Variants in ZDHHC21 observed in about 807,000 individuals in gnomAD.
ZDHHC21 encodes the protein palmitoyltransferase ZDHHC21.
In ZDHHC21, 15 loss-of-function variants were observed where a neutral mutation model predicts 34.6. That is an observed-to-expected ratio of 0.43 (90% CI 0.29 to 0.67). The LOEUF (loss-of-function observed/expected upper bound fraction) is 0.67, where lower values mean the gene tolerates loss of function less well. Ranked by LOEUF, ZDHHC21 falls within the 30% of genes least tolerant of loss-of-function variation. ZDHHC21 has a pLI of 0.14. For missense variants in ZDHHC21, 344 were observed against 327.7 expected (o/e 1.05, Z -0.38); for synonymous variants, 142 against 101.8 (o/e 1.40, Z -2.38).
At chr9:14,596,351 C>A in the ZDHHC21 span, among the ~76,000 whole-genome samples, 1 of 152,186 alleles carries the variant, frequency 6.6e-6, no homozygotes, top group East Asian at 1.9e-4. Context: ...CCAAGCAAGC[C>A]GCTAGGTTGT....
chr9:14,683,913 AC>A (rs1411463310), intron 2 of ZDHHC21, among the ~76,000 whole-genome samples: 1 of 152,160 alleles, frequency 6.6e-6, no homozygotes, highest in Non-Finnish European at 1.5e-5. Flanking sequence ...AAATCAATAA[AC>A]GTAATCCAGC....
chr9:14,682,372 A>G (rs948161667), intron 2 of ZDHHC21, among the ~76,000 whole-genome samples: 1 of 152,188 alleles, frequency 6.6e-6, no homozygotes, highest in African/African-American at 2.4e-5. Context: ...GAAAACAAAA[A>G]AAGGCAGGGG....
intron 5 of ZDHHC21, among the ~76,000 whole-genome samples, chr9:14,664,395 CTG>C (rs1833997105): frequency 6.6e-6 from 1 of 151,100 alleles, no homozygotes; most frequent in Admixed American, 6.6e-5. Flanking sequence ...GCACAGCAGT[CTG>C]AGATCAAACT....
chr9:14,658,358 G>C (rs924060953), intron 7 of ZDHHC21, among the ~76,000 whole-genome samples: 1 of 133,354 alleles, frequency 7.5e-6, no homozygotes, highest in East Asian at 2.1e-4. Context: ...TTGTTGTTTT[G>C]TTTCCAATCT....
chr9:14,678,242 T>C (rs1031175906), intron 3 of ZDHHC21, among the ~76,000 whole-genome samples: 2 of 152,018 alleles, frequency 1.3e-5, no homozygotes, highest in Non-Finnish European at 2.9e-5. Flanking sequence ...TTTTATATTC[T>C]TGGAATAAGG....
rs1468280628 is a variant in ZDHHC21, at chr9:14,618,017, T to C, written c.*949A>G. ...ATAAATAAAAGTAAAAAGTATACTC[T>C]TTTCAAAAGCACAATATTCCTCTTT... On this transcript the variant is annotated 3_prime_UTR_variant, in exon 10 of 10. Transcript: ENST00000380916. 1 of 152,484 alleles carries C rather than the reference T, an allele frequency of 6.6e-6. No individual in the cohort carries two copies. The highest frequency in any genetic ancestry group is 1.9e-4 in the East Asian group (1 of 5,184). The allele number at this position is 152,484 out of a possible 1,614,324, so 9.4% of individuals were successfully genotyped here. A position where few individuals can be genotyped will look rare whatever the true frequency, so the allele number is the denominator to read the frequency against.
At chr9:14,653,552 G>A (rs1333843944) in intron 7 of ZDHHC21, among the ~76,000 whole-genome samples, 1 of 151,846 alleles carries the variant, frequency 6.6e-6, no homozygotes, top group Non-Finnish European at 1.5e-5. Context: ...AGCCTCAAGG[G>A]TTTTGTTGTT....
At chr9:14,682,296 A>AC (rs1330590075) in intron 2 of ZDHHC21, among the ~76,000 whole-genome samples, 3 of 152,180 alleles carry the variant, frequency 2.0e-5, no homozygotes, top group Non-Finnish European at 4.4e-5. Flanking sequence ...CAGGAGACCC[A>AC]TCTCACGTGC....
At position 14,693,316 on chromosome 9, in the gene ZDHHC21, C is replaced by T. The variant is rs1018217121; in HGVS notation, c.-312G>A. On this transcript the variant is annotated 5_prime_UTR_variant, in exon 1 of 10. Coordinates refer to ENST00000380916, the MANE Select transcript of ZDHHC21 (RefSeq NM_178566.6). The stretch of plus-strand genomic sequence containing the variant: ...CCTCCTGCCGCGCCACCTCCGCCTC[C>T]TCCGGCGCCGCCGCCCAGGCCGGGC... 2 of 417,280 alleles carry T rather than the reference C, an allele frequency of 4.8e-6. No individual in the cohort carries two copies. The highest frequency in any genetic ancestry group is 4.4e-5 in the African/African-American group (2 of 45,704). 25.8% of individuals were successfully genotyped at this position (417,280 alleles called of 1,614,324 possible).
chr9:14,682,233 G>C (rs1837511810), intron 2 of ZDHHC21, among the ~76,000 whole-genome samples: 1 of 152,148 alleles, frequency 6.6e-6, no homozygotes, highest in African/African-American at 2.4e-5. Flanking sequence ...CCAATTAAAA[G>C]ACACAGACTG....
At chr9:14,633,716 A>T (rs536713823) in intron 8 of ZDHHC21, among the ~76,000 whole-genome samples, 1 of 152,112 alleles carries the variant, frequency 6.6e-6, no homozygotes, top group Non-Finnish European at 1.5e-5. Flanking sequence ...CCCAGCAGCA[A>T]ATCCAGGGTG....
At position 14,632,308 on chromosome 9, in the gene ZDHHC21, G is replaced by C. The variant is rs140365202; in HGVS notation, c.621+7588C>G. 6.2e-3 allele frequency among the ~76,000 whole-genome samples: 936 copies of C among 152,152 alleles called. 12 individuals are homozygous for C. Among genetic ancestry groups the C allele is most frequent in the African/African-American group, 0.021 (854 of 41,532 alleles). On this transcript the variant is annotated intron_variant, in intron 8 of 9. Transcript: ENST00000380916. ...GAGTTAAGAGTCCAGAAAATATCTAGTTAATTTTCAACAAAGGTGTCAAGA... is the reference window on the plus strand; with the variant it reads ...GAGTTAAGAGTCCAGAAAATATCTACTTAATTTTCAACAAAGGTGTCAAGA...
intron 2 of ZDHHC21, among the ~76,000 whole-genome samples, chr9:14,685,424 A>C (rs556800681): frequency 1.8e-4 from 27 of 151,620 alleles, no homozygotes; most frequent in African/African-American, 6.5e-4. Context: ...AAAAGAAGAC[A>C]TTTATGCAGC....
intron 8 of ZDHHC21, among the ~76,000 whole-genome samples, chr9:14,620,440 G>C (rs1306877491): frequency 1.3e-5 from 2 of 151,898 alleles, no homozygotes; most frequent in African/African-American, 2.4e-5. Context: ...ATATTTATTT[G>C]TATTTTAAAT....
chr9:14,648,355 C>T (rs1830635378), intron 7 of ZDHHC21, among the ~76,000 whole-genome samples: 1 of 151,892 alleles, frequency 6.6e-6, no homozygotes, highest in Admixed American at 6.6e-5. Flanking sequence ...TGTGTAATGG[C>T]TCAAAACCCT....
intron 5 of ZDHHC21, among the ~76,000 whole-genome samples, chr9:14,667,737 CA>C (rs1393556541): frequency 1.4e-5 from 1 of 74,044 alleles, no homozygotes; most frequent in African/African-American, 5.3e-5. Context: ...TAAACAGAAC[CA>C]AAGACAAAAA....
At position 14,633,696 on chromosome 9, in the gene ZDHHC21, C is replaced by G. The variant is rs571649075; in HGVS notation, c.621+6200G>C. On this transcript the variant is annotated intron_variant, in intron 8 of 9. Coordinates refer to ENST00000380916, the MANE Select transcript of ZDHHC21 (RefSeq NM_178566.6). ...CTGAAGCACAAACTACTGGCAAACA[C>G]CCTGCTGATCCCAGCAGCAAATCCA... 2.0e-3 allele frequency among the ~76,000 whole-genome samples: 306 copies of G among 152,278 alleles called. 1 individual carries two copies. Among genetic ancestry groups the G allele is most frequent in the Admixed American group, 4.2e-3 (65 of 15,310 alleles).
At chr9:14,655,743 G>A (rs1448148372) in intron 7 of ZDHHC21, among the ~76,000 whole-genome samples, 1 of 151,082 alleles carries the variant, frequency 6.6e-6, no homozygotes, top group African/African-American at 2.4e-5. Flanking sequence ...TTCCAAAACA[G>A]GAAAGAAAAG....
chr9:14,589,587 A>C, the ZDHHC21 span: 1 of 152,194 alleles, frequency 6.6e-6, no homozygotes, highest in African/African-American at 2.4e-5. Context: ...TGTTGGATAC[A>C]GAGCCACACT....
Sources: gnomAD v4.1 joint callset for allele counts (sites outside exome capture counted in the v4.1 genomes callset) on GRCh38, gnomAD v4.1.1 for gene constraint, MANE v1.5 for transcripts, NCBI Gene and HGNC (gene_info 2026-07-23, HGNC 2026-07-21) for gene names.